ZNF25: variants seen among roughly 807,000 people sequenced by gnomAD.
The protein encoded by ZNF25 is zinc finger protein 25, also known as zinc finger protein 25 (KOX 19).
ZNF25 carries 21 observed loss-of-function variants against 30.9 expected under a neutral mutation model. The ratio of observed to expected loss-of-function variants is 0.68; its 90% CI spans 0.48 to 0.98. ZNF25 has a LOEUF of 0.98. Among genes scored for constraint, ZNF25 ranks in the 50% least tolerant of loss-of-function variants. The pLI is 0.00. For missense variants in ZNF25, 501 were observed against 529.9 expected (o/e 0.95, Z 0.54); for synonymous variants, 169 against 181.3 (o/e 0.93, Z 0.55).
intron 4 of ZNF25, among the ~76,000 whole-genome samples, chr10:37,954,078 G>T (rs140798637): frequency 6.6e-6 from 1 of 152,308 alleles, no homozygotes; most frequent in Non-Finnish European, 1.5e-5. Flanking sequence ...CTGAACGGGA[G>T]TGTGGGAAGT....
At chr10:37,960,458 C>CA (rs762155535) in intron 2 of ZNF25, among the ~76,000 whole-genome samples, 1,517 of 113,722 alleles carry the variant, frequency 0.013, 13 homozygotes, top group Non-Finnish European at 0.018. Context: ...ACTAAAAATA[C>CA]AAAAAAAAAA....
chr10:37,972,130 T>C (rs1301037643), intron 1 of ZNF25, among the ~76,000 whole-genome samples: 1 of 152,194 alleles, frequency 6.6e-6, no homozygotes, highest in East Asian at 1.9e-4. Flanking sequence ...AGAAATGATG[T>C]TGAAGAGATA....
chr10:37,971,914 C>A (rs990378996), intron 1 of ZNF25, 107 bp from the exon 2 acceptor site: 8 of 666,848 alleles, frequency 1.2e-5, no homozygotes, highest in Middle Eastern at 7.5e-4. Flanking sequence ...GTAGCACCCA[C>A]CTGTCCACTT....
chr10:37,953,160 G>C lies in ZNF25; in HGVS notation c.338C>G (p.Thr113Ser), dbSNP rs769624149. The change falls in exon 6 of 6, where the codon ACC (threonine) becomes AGC (serine). Residue 113 changes from threonine to serine, a missense_variant. By Grantham distance (58) the Thr-to-Ser change is moderately conservative. Coordinates refer to ENST00000302609, the MANE Select transcript of ZNF25 (RefSeq NM_145011.4). ...CTTACATTCACAGGCTTTCTCTGTGGTATGAGTTTTCTGATGTTTTGTGAG... is the reference window on the plus strand; with the variant it reads ...CTTACATTCACAGGCTTTCTCTGTGCTATGAGTTTTCTGATGTTTTGTGAG... The part of the protein sequence containing the change: ...GELTKHQKTH[T>S]TEKACECKEC... The C allele has an allele frequency of 1.4e-5, 22 of 1,595,248 alleles. No homozygotes were observed. The South Asian group carries it at 2.2e-4, about 16-fold the overall frequency.
intron 2 of ZNF25, among the ~76,000 whole-genome samples, chr10:37,964,385 T>C (rs1564784947): frequency 6.6e-6 from 1 of 152,202 alleles, no homozygotes; most frequent in African/African-American, 2.4e-5. Context: ...TTGAAACTTC[T>C]AAGAGACGGA....
chr10:37,969,919 C>T (rs1042250289), intron 2 of ZNF25, among the ~76,000 whole-genome samples: 1 of 152,090 alleles, frequency 6.6e-6, no homozygotes, highest in Non-Finnish European at 1.5e-5. Flanking sequence ...AATAACCATT[C>T]TCGACTCACT....
intron 2 of ZNF25, among the ~76,000 whole-genome samples, chr10:37,966,111 T>C (rs1423908711): frequency 6.6e-6 from 1 of 152,094 alleles, no homozygotes; most frequent in African/African-American, 2.4e-5. Context: ...TAGTGTGTTA[T>C]CACATTGCTA....
chr10:37,955,028 C>T (rs2062430546), intron 4 of ZNF25, among the ~76,000 whole-genome samples: 2 of 151,946 alleles, frequency 1.3e-5, no homozygotes, highest in African/African-American at 4.8e-5. Context: ...GTTGTGGGCA[C>T]CTGTAATCCC....
chr10:37,963,997 T>G (rs2063039844), intron 2 of ZNF25, among the ~76,000 whole-genome samples: 1 of 151,854 alleles, frequency 6.6e-6, no homozygotes, highest in Non-Finnish European at 1.5e-5. Context: ...AGCAAATAAA[T>G]AAAGAGTCTA....
intron 3 of ZNF25, 75 bp downstream of exon 3, chr10:37,957,345 G>T: frequency 6.5e-7 from 1 of 1,528,734 alleles, no homozygotes; most frequent in Non-Finnish European, 8.9e-7. Flanking sequence ...AACCCTATAG[G>T]GACATTTTAT....
intron 2 of ZNF25, among the ~76,000 whole-genome samples, chr10:37,958,588 TTAATA>T (rs1452849557): frequency 2.0e-5 from 3 of 152,226 alleles, no homozygotes; most frequent in African/African-American, 7.2e-5. Flanking sequence ...TCTCTGCTTA[TTAATA>T]TAATACATAC....
At chr10:37,965,946 C>G (rs2063156246) in intron 2 of ZNF25, among the ~76,000 whole-genome samples, 1 of 151,958 alleles carries the variant, frequency 6.6e-6, no homozygotes, top group Non-Finnish European at 1.5e-5. Context: ...AAGTTGGTAT[C>G]AATTCAAACC....
chr10:37,952,167 T>G lies in ZNF25; in HGVS notation c.1331A>C (p.His444Pro). Residue 444 changes from histidine to proline, a missense_variant, in exon 6 of 6, where the codon CAT becomes CCT. His to Pro is a moderately conservative substitution (Grantham distance 77). Coordinates refer to ENST00000302609, the MANE Select transcript of ZNF25 (RefSeq NM_145011.4). ...TFIQKSQLTA[H>P]QKTHTKKRNA... ...CCTCTTCTTTGTGTGTGTCTTCTGA[T>G]GTGCAGTGAGTTGTGACTTCTGGAT... is the stretch of plus-strand genomic sequence containing the variant. 6.3e-7 allele frequency: 1 copy of G among 1,598,108 alleles called. No individual in the cohort carries two copies. Among genetic ancestry groups the G allele is most frequent in the Non-Finnish European group, 8.5e-7 (1 of 1,173,062 alleles).
rs1037071479 is a variant in ZNF25 at position 37,950,997 on chromosome 10, G to A, written c.*1130C>T. The stretch of plus-strand genomic sequence containing the variant: ...TGTGGAGATTGTAATAAATACTACT[G>A]TTTTTAGCTGTTTAAAAACAGCTCA... On this transcript the variant is annotated 3_prime_UTR_variant, in exon 6 of 6. Coordinates refer to ENST00000302609, the MANE Select transcript of ZNF25 (RefSeq NM_145011.4). 12 of 152,218 alleles carry A rather than the reference G, an allele frequency of 7.9e-5. No individual in the cohort carries two copies. The highest frequency in any genetic ancestry group is 7.7e-4 in the East Asian group (4 of 5,186). 9.4% of individuals were successfully genotyped at this position (152,218 alleles called of 1,614,324 possible). A position where few individuals can be genotyped will look rare whatever the true frequency, so the allele number is the denominator to read the frequency against.
chr10:37,959,453 G>C (rs899717256), intron 2 of ZNF25, among the ~76,000 whole-genome samples: 2 of 152,148 alleles, frequency 1.3e-5, no homozygotes, highest in Non-Finnish European at 2.9e-5. Flanking sequence ...TACAGTTATA[G>C]TGCCAATTAT....
At chr10:37,974,473 C>T (rs1467105572) in intron 1 of ZNF25, among the ~76,000 whole-genome samples, 1 of 152,058 alleles carries the variant, frequency 6.6e-6, no homozygotes, top group Admixed American at 6.6e-5. Flanking sequence ...ACAGACATTC[C>T]ACAATAGAAG....
At chr10:37,957,581 C>A in intron 2 of ZNF25, 35 bp from the exon 3 acceptor site, 1 of 1,599,896 alleles carries the variant, frequency 6.3e-7, no homozygotes, top group South Asian at 1.1e-5. Context: ...TTTGAAGTAA[C>A]CAGAATAGAT....
chr10:37,960,713 A>C (rs1430243939), intron 2 of ZNF25, among the ~76,000 whole-genome samples: 3 of 151,712 alleles, frequency 2.0e-5, no homozygotes, highest in African/African-American at 7.3e-5. Flanking sequence ...ATGGAGCCTG[A>C]GAGAACTTCT....
chr10:37,954,738 G>A (rs1190233103), intron 4 of ZNF25, among the ~76,000 whole-genome samples: 1 of 152,144 alleles, frequency 6.6e-6, no homozygotes, highest in Non-Finnish European at 1.5e-5. Flanking sequence ...ATGCATGAAA[G>A]CAAGTGAAAG....
Sources: gnomAD v4.1 joint callset for allele counts (sites outside exome capture counted in the v4.1 genomes callset) on GRCh38, gnomAD v4.1.1 for gene constraint, MANE v1.5 for transcripts, NCBI Gene and HGNC (gene_info 2026-07-23, HGNC 2026-07-21) for gene names.